Variants in CHTF18 observed in about 807,000 individuals in gnomAD.
The protein encoded by CHTF18 is chromosome transmission fidelity factor 18, also known as chromosome transmission fidelity protein 18 homolog.
Under a neutral mutation model 113.4 loss-of-function variants are expected in CHTF18, and 151 were observed. That is an observed-to-expected ratio of 1.33 (90% CI 1.17 to 1.52). The LOEUF is 1.52. CHTF18 is among the 40% of genes most tolerant of loss of function. The probability of loss-of-function intolerance (pLI) is 0.00; values close to 1 mark genes in which losing one functional copy is unlikely to be tolerated. For missense variants in CHTF18, 1,982 were observed against 1,381.6 expected, an observed-to-expected ratio of 1.43 and a Z score of -6.89; for synonymous variants, 916 against 598.8, an observed-to-expected ratio of 1.53 and a Z score of -7.74.
chr16:789,461 C>A, intron 3 of CHTF18, 86 bp from the exon 4 acceptor site: 1 of 1,537,692 alleles, frequency 6.5e-7, no homozygotes, highest in Non-Finnish European at 8.8e-7. Flanking sequence ...GGGGAGGGTT[C>A]CATGGCTGAG....
chr16:792,860 T>C, intron 12 of CHTF18, 49 bp downstream of exon 12: 1 of 1,531,108 alleles, frequency 6.5e-7, no homozygotes, highest in African/African-American at 1.4e-5. Flanking sequence ...GTTGGGGGCG[T>C]GGCCTCGTTC....
At chr16:789,452 G>C in intron 3 of CHTF18, 92 bp downstream of exon 3, 2 of 1,536,092 alleles carry the variant, frequency 1.3e-6, no homozygotes, top group African/African-American at 2.7e-5. Context: ...CTGGGGGGTG[G>C]GGAGGGTTCC....
chr16:791,539 T>G, intron 8 of CHTF18, 169 bp downstream of exon 8: 4 of 1,435,176 alleles, frequency 2.8e-6, no homozygotes, highest in Non-Finnish European at 3.6e-6. Context: ...CAGTAACAAC[T>G]CGGGGGAAGT....
Position 791,369 on chromosome 16 carries a change from A to G in CHTF18, c.1103A>G (p.Lys368Arg). Residue 368 changes from lysine to arginine, a missense_variant and splice_region_variant, in exon 8 of 22, where the codon AAG (lysine) becomes AGG (arginine). By Grantham distance (26) the Lys-to-Arg change is conservative (BLOSUM62 2). Coordinates refer to ENST00000262315, the MANE Select transcript of CHTF18 (RefSeq NM_022092.3). ...GLDPSQRPKQ[K>R]VALLCGPPGL... ...GACCCGAGCCAGCGACCGAAGCAGAAGGTGAGCCCCGCTGGCTGTGCCGCC... is the reference window on the plus strand; with the variant it reads ...GACCCGAGCCAGCGACCGAAGCAGAGGGTGAGCCCCGCTGGCTGTGCCGCC... The G allele has an allele frequency of 1.9e-6, 3 of 1,599,736 alleles. No individual in the cohort carries two copies. The highest frequency in any genetic ancestry group is 1.7e-6 in the Non-Finnish European group (2 of 1,176,060).
chr16:791,990 G>T, intron 9 of CHTF18, 42 bp downstream of exon 9: 2 of 1,571,850 alleles, frequency 1.3e-6, no homozygotes, highest in South Asian at 2.3e-5. Flanking sequence ...CTTCTGTCCT[G>T]ACGTGTTTGA....
chr16:795,388 G>A (rs1596767691), intron 16 of CHTF18, 32 bp downstream of exon 16: 1 of 1,493,522 alleles, frequency 6.7e-7, no homozygotes, highest in East Asian at 2.6e-5. Context: ...GCCTGCCCCC[G>A]GCCCCGTGCC....
At chr16:797,172 C>G in intron 20 of CHTF18, 80 bp downstream of exon 20, 2 of 1,420,704 alleles carry the variant, frequency 1.4e-6, no homozygotes, top group Non-Finnish European at 9.2e-7. Flanking sequence ...GAGGCGGGGC[C>G]AAGGCACCCA....
At position 793,889 on chromosome 16, in the gene CHTF18, G is replaced by A. The variant is rs901861083; in HGVS notation, c.1803-165G>A. 9.2e-5 allele frequency: 67 copies of A among 724,484 alleles called. 1 individual carries two copies. Among genetic ancestry groups the A allele is most frequent in the Non-Finnish European group, 5.7e-5 (25 of 440,436 alleles). The allele number at this position is 724,484 out of a possible 1,614,324, so 44.9% of individuals were successfully genotyped here. On this transcript the variant is annotated intron_variant, in intron 14 of 21. Transcript: ENST00000262315. ...GGAATGTTTCAGGGGGTTGAGGTCC[G>A]GGCGTGTCTTTGGCTGTCTCCACCT...
In CHTF18 at chr16:791,348, C is replaced by G; in HGVS notation, c.1082C>G (p.Pro361Arg). The part of the protein sequence containing the change: ...LEEMLEAGLD[P>R]SQRPKQKVAL... The stretch of plus-strand genomic sequence containing the variant: ...GAGATGCTGGAGGCTGGGCTGGACC[C>G]GAGCCAGCGACCGAAGCAGAAGGTG... Residue 361 changes from proline to arginine, a missense_variant, in exon 8 of 22, where the codon CCG becomes CGG. By Grantham distance (103) the Pro-to-Arg change is moderately radical (BLOSUM62 -2). Coordinates refer to ENST00000262315, the MANE Select transcript of CHTF18 (RefSeq NM_022092.3). 8.1e-6 allele frequency: 13 copies of G among 1,605,088 alleles called. No individual in the cohort carries two copies. Among genetic ancestry groups the G allele is most frequent in the Non-Finnish European group, 1.1e-5 (13 of 1,178,240 alleles).
rs1169048015 is a variant in CHTF18 at position 793,400 on chromosome 16, G to C, written c.1802+126G>C. The C allele has an allele frequency of 9.5e-6, 12 of 1,269,640 alleles. No individual in the cohort carries two copies. In the Admixed American group the frequency reaches 2.9e-4, roughly 31 times the overall value. 78.6% of individuals were successfully genotyped at this position (1,269,640 alleles called of 1,614,324 possible). On this transcript the variant is annotated intron_variant, in intron 14 of 21. Transcript: ENST00000262315. ...AGTGTCCTGAGCCCGCGGTTGCCTGGTCCAGCCTCCAGGGCCCTCCTCAGC... is the reference window on the plus strand; with the variant it reads ...AGTGTCCTGAGCCCGCGGTTGCCTGCTCCAGCCTCCAGGGCCCTCCTCAGC...
rs1283557252 is a variant in CHTF18 at position 795,284 on chromosome 16, GC to G, written c.2106del (p.Val703TrpfsTer28). On this transcript the variant is annotated frameshift_variant, in exon 16 of 22. Coordinates refer to ENST00000262315, the MANE Select transcript of CHTF18 (RefSeq NM_022092.3). LOFTEE classifies it high-confidence loss of function. The part of the protein sequence containing the change: ...FQLLRYPPFL[P>X]VAFHVLFASS... ...AGCTGCTGCGCTACCCACCCTTCCTGCCCGTGGCCTTCCATGTGCTGTTTGC... is the reference window on the plus strand; with the variant it reads ...AGCTGCTGCGCTACCCACCCTTCCTGCCGTGGCCTTCCATGTGCTGTTTGC... The G allele has an allele frequency of 3.2e-6, 5 of 1,548,954 alleles. No homozygotes were observed. The highest frequency in any genetic ancestry group is 4.4e-6 in the Non-Finnish European group (5 of 1,146,718).
rs200888038 is a variant in CHTF18, at chr16:795,726, G to T, written c.2217G>T (p.Thr739=). ...RMSQMRNLIQ[T]LVSGIAPATR... ...GCCAGATGAGGAACCTGATCCAGAC[G>T]CTGGTGTCCGGCATCGCGCCAGCCA... is the stretch of plus-strand genomic sequence containing the variant. The change falls in exon 17 of 22, where the codon ACG becomes ACT. Residue 739 remains threonine, a synonymous_variant. Coordinates refer to ENST00000262315, the MANE Select transcript of CHTF18 (RefSeq NM_022092.3). 3.7e-6 allele frequency: 6 copies of T among 1,605,942 alleles called. No homozygotes were observed. The highest frequency in any genetic ancestry group is 5.1e-6 in the Non-Finnish European group (6 of 1,177,894).
At chr16:793,627 C>G (rs2042261183) in intron 14 of CHTF18, 2 of 528,166 alleles carry the variant, frequency 3.8e-6, no homozygotes, top group East Asian at 3.5e-5. Flanking sequence ...GAGCCCCTGC[C>G]TGCCCACACT....
Position 792,767 on chromosome 16 carries a change from T to A in CHTF18, c.1528T>A (p.Phe510Ile). The change falls in exon 12 of 22, where the codon TTC (phenylalanine) becomes ATC (isoleucine). Residue 510 changes from phenylalanine (F) to isoleucine (I), a missense_variant. By Grantham distance (21) the Phe-to-Ile change is conservative (BLOSUM62 0). Coordinates refer to ENST00000262315, the MANE Select transcript of CHTF18 (RefSeq NM_022092.3). ...GAAGCAGCAGGCCTTCCTGCTCCAC[T>A]TCCCGCCGACTCTGCCCTCGAGGCT... ...QLKQQAFLLH[F>I]PPTLPSRLVQ... 3 of 1,548,462 alleles carry A rather than the reference T, an allele frequency of 1.9e-6. No individual in the cohort carries two copies. Among genetic ancestry groups the A allele is most frequent in the Non-Finnish European group, 2.6e-6 (3 of 1,151,136 alleles).
intron 4 of CHTF18, 151 bp downstream of exon 4, chr16:789,866 C>A: frequency 7.5e-7 from 1 of 1,331,846 alleles, no homozygotes; most frequent in Non-Finnish European, 1.0e-6. Flanking sequence ...GGGGCGTAGA[C>A]TTAGAGGACA....
Position 788,975 on chromosome 16 carries a change from G to C in CHTF18, c.136G>C (p.Gly46Arg). The change falls in exon 2 of 22, where the codon GGC becomes CGC. Residue 46 changes from glycine to arginine, a missense_variant. Transcript: ENST00000262315. ...CTCCGGGGTCCCCCTGTTCACCGCG[G>C]GCCGACCCCCGCGGACGTTCGAGGA... ...SPSGVPLFTA[G>R]RPPRTFEEAL... 6.4e-7 allele frequency: 1 copy of C among 1,567,586 alleles called. No homozygotes were observed. The highest frequency in any genetic ancestry group is 1.1e-5 in the South Asian group (1 of 87,478).
At position 795,268 on chromosome 16, in the gene CHTF18, G is replaced by C. The variant is rs2042304929; in HGVS notation, c.2087G>C (p.Arg696Pro). The C allele has an allele frequency of 1.9e-6, 3 of 1,549,180 alleles. No homozygotes were observed. Among genetic ancestry groups the C allele is most frequent in the East Asian group, 4.9e-5 (2 of 40,908 alleles). The change falls in exon 16 of 22, where the codon CGC (arginine) becomes CCC (proline). Residue 696 changes from arginine (R) to proline (P), a missense_variant. Transcript: ENST00000262315. ...CACAGCCAGAGCTTCCAGCTGCTGC[G>C]CTACCCACCCTTCCTGCCCGTGGCC... ...AHHSQSFQLLRYPPFLPVAFH... is the reference protein window; with the variant it reads ...AHHSQSFQLLPYPPFLPVAFH...
chr16:792,188 C>T, intron 9 of CHTF18, 36 bp from the exon 10 acceptor site: 1 of 1,553,282 alleles, frequency 6.4e-7, no homozygotes, highest in Non-Finnish European at 8.7e-7. Flanking sequence ...CCAGGGACGC[C>T]CACTGCCCTG....
intron 2 of CHTF18, 34 bp downstream of exon 2, chr16:789,159 G>A (rs1454301544): frequency 6.5e-7 from 1 of 1,549,758 alleles, no homozygotes. Flanking sequence ...GGCCTCCGGA[G>A]TGGGCGCGAG....
Sources: allele counts gnomAD v4.1 joint callset, GRCh38; gene constraint gnomAD v4.1.1; transcripts MANE v1.5; gene names NCBI Gene and HGNC (gene_info 2026-07-23, HGNC 2026-07-21).